The following ZRANB3 variants were observed in gnomAD, a reference collection of about 807,000 sequenced individuals.
ZRANB3 encodes DNA annealing helicase and endonuclease ZRANB3.
In ZRANB3, 125 loss-of-function variants were observed where a neutral mutation model predicts 133.8. That is an observed-to-expected ratio of 0.93 (90% confidence interval 0.81 to 1.08). The LOEUF (loss-of-function observed/expected upper bound fraction) is 1.08, where lower values mean the gene tolerates loss of function less well. Ranked by LOEUF, ZRANB3 falls within the 50% of genes least tolerant of loss-of-function variation. The pLI, the probability that ZRANB3 is intolerant of heterozygous loss-of-function variation, is 0.00. For missense variants in ZRANB3, 1,229 were observed against 1,275.5 expected (o/e 0.96, Z 0.56); for synonymous variants, 387 against 432.7 (o/e 0.89, Z 1.31).
intron 2 of ZRANB3, among the ~76,000 whole-genome samples, chr2:135,398,373 C>T (rs992039109): frequency 6.6e-6 from 1 of 151,236 alleles, no homozygotes; most frequent in Non-Finnish European, 1.5e-5. Flanking sequence ...GCCCTACATG[C>T]CTGTTCTTAA....
At chr2:135,378,859 A>G (rs1041804326) in intron 3 of ZRANB3, among the ~76,000 whole-genome samples, 2 of 152,208 alleles carry the variant, frequency 1.3e-5, no homozygotes, top group African/African-American at 4.8e-5. Flanking sequence ...AAGGTCTTCA[A>G]AAACAAACAG....
At chr2:135,287,762 C>T (rs1681457090) in intron 8 of ZRANB3, among the ~76,000 whole-genome samples, 1 of 144,812 alleles carries the variant, frequency 6.9e-6, no homozygotes, top group Non-Finnish European at 1.5e-5. Flanking sequence ...AGCAATGTTA[C>T]TGATTTGTGT....
At chr2:135,469,976 C>T (rs1691181143) in intron 2 of ZRANB3, among the ~76,000 whole-genome samples, 2 of 146,540 alleles carry the variant, frequency 1.4e-5, no homozygotes, top group African/African-American at 5.1e-5. Context: ...CACACCACTG[C>T]ACTCCAGCCT....
intron 8 of ZRANB3, among the ~76,000 whole-genome samples, chr2:135,286,070 T>C (rs1472005597): frequency 2.0e-5 from 3 of 152,228 alleles, no homozygotes; most frequent in Non-Finnish European, 4.4e-5. Context: ...CATTGTTTTA[T>C]TATTTATTTT....
At chr2:135,368,428 G>A (rs550211300) in intron 3 of ZRANB3, among the ~76,000 whole-genome samples, 1 of 151,926 alleles carries the variant, frequency 6.6e-6, no homozygotes, top group Non-Finnish European at 1.5e-5. Flanking sequence ...AAATATTAGT[G>A]GCATTAAAAG....
intron 8 of ZRANB3, among the ~76,000 whole-genome samples, chr2:135,312,178 TTTTA>T (rs879672617): frequency 0.015 from 2,138 of 144,972 alleles, 27 homozygotes; most frequent in Middle Eastern, 0.051. Flanking sequence ...TTTTATTTTA[TTTTA>T]TTTTATTTTT....
At chr2:135,262,782 T>TA (rs1354697175) in intron 12 of ZRANB3, among the ~76,000 whole-genome samples, 23 of 150,420 alleles carry the variant, frequency 1.5e-4, no homozygotes, top group African/African-American at 5.6e-4. Flanking sequence ...GCCTGTCTTT[T>TA]AAAAAAATAA....
chr2:135,367,503 T>C (rs1302277892), intron 3 of ZRANB3, among the ~76,000 whole-genome samples: 1 of 152,136 alleles, frequency 6.6e-6, no homozygotes, highest in Non-Finnish European at 1.5e-5. Flanking sequence ...TGTGTGTGTG[T>C]TTGTGTTTGA....
intron 2 of ZRANB3, among the ~76,000 whole-genome samples, chr2:135,394,554 A>G (rs1419585343): frequency 6.6e-6 from 1 of 152,154 alleles, no homozygotes; most frequent in Non-Finnish European, 1.5e-5. Flanking sequence ...CTAGGAAGGA[A>G]GAGTATAGAG....
chr2:135,360,925 C>A (rs1016507824), intron 3 of ZRANB3, among the ~76,000 whole-genome samples: 2 of 138,286 alleles, frequency 1.4e-5, no homozygotes, highest in African/African-American at 6.6e-5. Context: ...CACCACCATG[C>A]CTGTTTTTGG....
intron 17 of ZRANB3, among the ~76,000 whole-genome samples, chr2:135,212,024 C>T (rs1248474817): frequency 6.6e-6 from 1 of 152,138 alleles, no homozygotes; most frequent in African/African-American, 2.4e-5. Flanking sequence ...TTCACTAGCA[C>T]AATGTCATTT....
At chr2:135,204,693 T>C (rs896734714) in intron 19 of ZRANB3, among the ~76,000 whole-genome samples, 3 of 143,856 alleles carry the variant, frequency 2.1e-5, no homozygotes, top group Non-Finnish European at 4.5e-5. Flanking sequence ...TAAAAATATA[T>C]ACAATAATAT....
chr2:135,450,188 T>A (rs1198210843), intron 2 of ZRANB3, among the ~76,000 whole-genome samples: 2 of 151,808 alleles, frequency 1.3e-5, no homozygotes, highest in Admixed American at 6.6e-5. Flanking sequence ...ACTTGTTTAT[T>A]CTGGGAGGCA....
chr2:135,376,243 C>T (rs1686423912), intron 3 of ZRANB3, among the ~76,000 whole-genome samples: 2 of 152,160 alleles, frequency 1.3e-5, no homozygotes, highest in Admixed American at 1.3e-4. Flanking sequence ...CTTCTAGCCT[C>T]GAGCTATGAG....
Position 135,230,700 on chromosome 2 carries a change from C to A in ZRANB3, c.1767G>T (p.Pro589=). Residue 589 remains proline (P), a synonymous_variant, in exon 13 of 21, where the codon CCG becomes CCT. Transcript: ENST00000264159. ...TGGACTGGGATGGTGTCTCTTCCGA[C>A]GGACTGCAGTGGTCTTCCGAGGCAG... The part of the protein sequence containing the change: ...KLAASEDHCS[P]SEETPSQSKQ... 1 of 1,612,732 alleles carries A rather than the reference C, an allele frequency of 6.2e-7. No homozygotes were observed. The highest frequency in any genetic ancestry group is 8.5e-7 in the Non-Finnish European group (1 of 1,179,426).
At chr2:135,353,877 C>T (rs1685318782) in intron 3 of ZRANB3, among the ~76,000 whole-genome samples, 1 of 151,952 alleles carries the variant, frequency 6.6e-6, no homozygotes, top group Non-Finnish European at 1.5e-5. Context: ...TGGTAGGACA[C>T]ACCTGTAGTT....
At chr2:135,481,971 CTA>C (rs1395332789) in intron 2 of ZRANB3, among the ~76,000 whole-genome samples, 2 of 136,132 alleles carry the variant, frequency 1.5e-5, no homozygotes, top group Admixed American at 7.2e-5. Flanking sequence ...TTCCATTGAT[CTA>C]TATCTCTGTT....
chr2:135,392,405 C>T (rs1183327735), intron 2 of ZRANB3, among the ~76,000 whole-genome samples: 9 of 150,468 alleles, frequency 6.0e-5, no homozygotes, highest in African/African-American at 1.7e-4. Flanking sequence ...TTCCTTTATT[C>T]CCAGTTGTCT....
At chr2:135,529,462 T>C (rs1694305855) in intron 1 of ZRANB3, among the ~76,000 whole-genome samples, 1 of 152,076 alleles carries the variant, frequency 6.6e-6, no homozygotes, top group African/African-American at 2.4e-5. Context: ...CCTTTATTCA[T>C]CGGTGTATTA....
Sources: allele counts gnomAD v4.1 joint callset (sites outside exome capture counted in the v4.1 genomes callset), GRCh38; gene constraint gnomAD v4.1.1; transcripts MANE v1.5; gene names NCBI Gene and HGNC (gene_info 2026-07-23, HGNC 2026-07-21).